Variants in PDCD10 observed in about 807,000 individuals in gnomAD.
PDCD10 encodes programmed cell death protein 10.
PDCD10 carries 4 observed loss-of-function variants against 29.2 expected under a neutral mutation model. The ratio of observed to expected loss-of-function variants is 0.14; its 90% CI spans 0.07 to 0.31. The LOEUF is 0.31. PDCD10 is among the 10% of genes least tolerant of loss of function. PDCD10 has a pLI of 1.00. For synonymous variants in PDCD10, 70 were observed against 82.2 expected (o/e 0.85, Z 0.80); for missense variants, 183 against 257.9 (o/e 0.71, Z 1.99).
At chr3:167,725,196 G>A (rs996646724) in intron 2 of PDCD10, among the ~76,000 whole-genome samples, 1 of 148,434 alleles carries the variant, frequency 6.7e-6, no homozygotes, top group Admixed American at 6.8e-5. Flanking sequence ...GGCGGAAGTT[G>A]CAGTGAGTCG....
At chr3:167,725,763 TTATATATATATATATATATATATATA>T (rs67647566) in intron 2 of PDCD10, among the ~76,000 whole-genome samples, 1,256 of 77,162 alleles carry the variant, frequency 0.016, 67 homozygotes, top group African/African-American at 0.044. Flanking sequence ...ATTGTATCGT[TTATATATATATATATATATATATATA>T]TATATATATA....
At chr3:167,713,952 A>G (rs934103837) in intron 3 of PDCD10, among the ~76,000 whole-genome samples, 1 of 152,018 alleles carries the variant, frequency 6.6e-6, no homozygotes, top group African/African-American at 2.4e-5. Context: ...CAATGGCTTC[A>G]CTGCTGAATT....
intron 6 of PDCD10, 55 bp downstream of exon 6, chr3:167,695,541 T>A (rs1720709073): frequency 2.6e-6 from 4 of 1,513,212 alleles, no homozygotes; most frequent in South Asian, 2.2e-5. Flanking sequence ...TGTAGATGAG[T>A]AGTTCCTCGG....
chr3:167,716,860 T>C (rs1194511071), intron 3 of PDCD10, among the ~76,000 whole-genome samples: 2 of 151,984 alleles, frequency 1.3e-5, no homozygotes, highest in Middle Eastern at 3.2e-3. Flanking sequence ...ATATATTGCT[T>C]GAGAAAACAA....
At chr3:167,715,494 T>C (rs930444678) in intron 3 of PDCD10, among the ~76,000 whole-genome samples, 3 of 151,434 alleles carry the variant, frequency 2.0e-5, no homozygotes, top group Admixed American at 6.6e-5. Flanking sequence ...TGGGAGAAAA[T>C]TGCAAACTGT....
chr3:167,733,493 A>G (rs1725031672), intron 2 of PDCD10, among the ~76,000 whole-genome samples: 1 of 152,210 alleles, frequency 6.6e-6, no homozygotes, highest in Non-Finnish European at 1.5e-5. Context: ...AAGAAAAATA[A>G]AAATATGCAA....
chr3:167,732,534 C>A (rs149164819), intron 2 of PDCD10, among the ~76,000 whole-genome samples: 1 of 150,996 alleles, frequency 6.6e-6, no homozygotes, highest in Non-Finnish European at 1.5e-5. Context: ...CAGCATGTGA[C>A]TGAAAGATGA....
chr3:167,689,632 G>C (rs1011124924), intron 6 of PDCD10, among the ~76,000 whole-genome samples: 1 of 151,824 alleles, frequency 6.6e-6, no homozygotes, highest in Non-Finnish European at 1.5e-5. Flanking sequence ...AAAAAAGAAA[G>C]ACCTGCTGAT....
intron 3 of PDCD10, among the ~76,000 whole-genome samples, chr3:167,707,042 G>A (rs566379157): frequency 5.9e-5 from 9 of 152,246 alleles, no homozygotes; most frequent in African/African-American, 2.2e-4. Context: ...GTTCTTTAAG[G>A]ACTGACATAT....
intron 3 of PDCD10, among the ~76,000 whole-genome samples, chr3:167,717,425 C>T (rs190323730): frequency 8.0e-4 from 121 of 152,142 alleles, no homozygotes; most frequent in Middle Eastern, 3.4e-3. Context: ...GTCATCCTTA[C>T]TATGGTACAA....
chr3:167,703,448 C>T (rs974983771), intron 4 of PDCD10, among the ~76,000 whole-genome samples: 1 of 151,908 alleles, frequency 6.6e-6, no homozygotes, highest in African/African-American at 2.4e-5. Flanking sequence ...ATATGAGATA[C>T]CTAGTGACAT....
chr3:167,695,691 G>C lies in PDCD10; in HGVS notation c.300C>G (p.Phe100Leu). 1 of 1,613,600 alleles carries C rather than the reference G, an allele frequency of 6.2e-7. No homozygotes were observed. Among genetic ancestry groups the C allele is most frequent in the South Asian group, 1.1e-5 (1 of 91,074 alleles). The change falls in exon 6 of 9, where the codon TTC becomes TTG. Residue 100 changes from phenylalanine to leucine, a missense_variant. Coordinates refer to ENST00000392750, the MANE Select transcript of PDCD10 (RefSeq NM_007217.4). ...EYMIERPEPE[F>L]QDLNEKARAL... ...CTCGTGCCTTTTCGTTTAGGTCTTG[G>C]AATTCTGGCTCTGGTCGTTCAATCA...
At chr3:167,685,554 C>A (rs1022862194) in intron 8 of PDCD10, among the ~76,000 whole-genome samples, 3 of 152,022 alleles carry the variant, frequency 2.0e-5, no homozygotes, top group African/African-American at 7.2e-5. Flanking sequence ...ATTATTGATA[C>A]ACAAAGAACT....
At chr3:167,714,337 C>T (rs907371168) in intron 3 of PDCD10, among the ~76,000 whole-genome samples, 1 of 151,878 alleles carries the variant, frequency 6.6e-6, no homozygotes, top group Admixed American at 6.6e-5. Context: ...AATTCAACAT[C>T]CTTCATGATA....
chr3:167,717,008 T>A (rs555757023), intron 3 of PDCD10, among the ~76,000 whole-genome samples: 6 of 152,114 alleles, frequency 3.9e-5, no homozygotes, highest in African/African-American at 9.6e-5. Context: ...TGATATGACA[T>A]GAAATTAGGT....
At chr3:167,704,554 T>C (rs1463550371) in intron 4 of PDCD10, 2 of 232,432 alleles carry the variant, frequency 8.6e-6, no homozygotes, top group South Asian at 5.2e-5. Context: ...GGTCAAATAA[T>C]AGAAAAAAAA....
At chr3:167,725,497 A>G (rs1724023069) in intron 2 of PDCD10, 1 of 151,884 alleles carries the variant, frequency 6.6e-6, no homozygotes, top group Non-Finnish European at 1.5e-5. Flanking sequence ...AGGCAGAGGA[A>G]TAGGGTAAGT....
At chr3:167,724,687 A>G (rs934425964) in intron 2 of PDCD10, among the ~76,000 whole-genome samples, 7 of 152,216 alleles carry the variant, frequency 4.6e-5, no homozygotes, top group Non-Finnish European at 1.5e-5. Context: ...AAAAACAAAC[A>G]CAAAAATCAA....
intron 6 of PDCD10, among the ~76,000 whole-genome samples, chr3:167,695,194 T>C (rs993859511): frequency 1.3e-5 from 2 of 152,214 alleles, no homozygotes; most frequent in Non-Finnish European, 2.9e-5. Context: ...ATTTGGTCAG[T>C]CTTAGAAAAC....
Sources: gnomAD v4.1 joint callset for allele counts (sites outside exome capture counted in the v4.1 genomes callset) on GRCh38, gnomAD v4.1.1 for gene constraint, MANE v1.5 for transcripts, NCBI Gene and HGNC (gene_info 2026-07-23, HGNC 2026-07-21) for gene names.